Variants in ANKRD63 observed in about 807,000 individuals in gnomAD.
The protein encoded by ANKRD63 is ankyrin repeat domain 63.
In ANKRD63, 18 loss-of-function variants were observed where a neutral mutation model predicts 21.2. The observed-to-expected ratio is 0.85, with a 90% CI of 0.59 to 1.26. The LOEUF (loss-of-function observed/expected upper bound fraction) is 1.26, where lower values mean the gene tolerates loss of function less well. Among genes scored for constraint, ANKRD63 ranks in the 50% most tolerant of loss-of-function variants. The pLI is 0.00. For missense variants in ANKRD63, 523 were observed against 570.9 expected, an observed-to-expected ratio of 0.92 and a Z score of 0.85; for synonymous variants, 322 against 273.3, an observed-to-expected ratio of 1.18 and a Z score of -1.76.
chr15:40,281,892 T>C lies in ANKRD63; in HGVS notation c.695A>G (p.Glu232Gly). Reference protein sequence around the residue: ...FARAAGGHGGEAGSAGKNSGR... With the variant: ...FARAAGGHGGGAGSAGKNSGR... Reference sequence around the variant, plus strand: ...CGAATTCTTGCCCGCTGAGCCAGCCTCGCCGCCGTGGCCGCCCGCCGCTCG... The same window carrying C: ...CGAATTCTTGCCCGCTGAGCCAGCCCCGCCGCCGTGGCCGCCCGCCGCTCG... Residue 232 changes from glutamate to glycine, a missense_variant, in exon 1 of 1, where the codon GAG becomes GGG. Glu to Gly is a moderately conservative substitution (Grantham distance 98). Transcript: ENST00000434396. The C allele has an allele frequency of 7.7e-6, 11 of 1,421,954 alleles. No homozygotes were observed. The South Asian group carries it at 1.7e-4, about 22-fold the overall frequency. 88.1% of individuals were successfully genotyped at this position (1,421,954 alleles called of 1,614,324 possible).
chr15:40,278,860 G>A lies in ANKRD63; in HGVS notation c.*2584C>T, dbSNP rs2039512014. 6.6e-6 allele frequency among the ~76,000 whole-genome samples: 1 copy of A among 152,076 alleles called. No homozygotes were observed. Among genetic ancestry groups the A allele is most frequent in the African/African-American group, 2.4e-5 (1 of 41,396 alleles). On this transcript the variant is annotated 3_prime_UTR_variant, in exon 1 of 1. Coordinates refer to ENST00000434396, the MANE Select transcript of ANKRD63 (RefSeq NM_001190479.3). ...TCATGGTTGTTTATCCAGTCAAGAGGGCCCAGGGTGACATTCAACCAGAAA... is the reference window on the plus strand; with the variant it reads ...TCATGGTTGTTTATCCAGTCAAGAGAGCCCAGGGTGACATTCAACCAGAAA...
In ANKRD63 at chr15:40,281,566, C is replaced by T. The variant is rs573538746; in HGVS notation, c.1021G>A (p.Gly341Arg). ...STAPDIPSLV[G>R]EAPGPESGPE... Reference sequence around the variant, plus strand: ...CCACTCTCGGGCCCTGGCGCCTCCCCGACCAGGCTGGGGATATCTGGGGCT... The same window carrying T: ...CCACTCTCGGGCCCTGGCGCCTCCCTGACCAGGCTGGGGATATCTGGGGCT... The change falls in exon 1 of 1, where the codon GGG becomes AGG. Residue 341 changes from glycine (G) to arginine (R), a missense_variant. Gly to Arg is a moderately radical substitution (Grantham distance 125). Transcript: ENST00000434396. 2,877 of 1,532,446 alleles carry T rather than the reference C, an allele frequency of 1.9e-3. 5 individuals are homozygous for T. Among genetic ancestry groups the T allele is most frequent in the Non-Finnish European group, 2.2e-3 (2,533 of 1,145,230 alleles). 94.9% of individuals were successfully genotyped at this position (1,532,446 alleles called of 1,614,324 possible).
In ANKRD63 at chr15:40,282,892, G is replaced by C. The variant is rs1245095800; in HGVS notation, c.-306C>G. ...CACCAGACGTCGGGAGCAGAGACTCGACCCTCTCCCGAGTCTCTCGCCGCT... is the reference window on the plus strand; with the variant it reads ...CACCAGACGTCGGGAGCAGAGACTCCACCCTCTCCCGAGTCTCTCGCCGCT... On this transcript the variant is annotated 5_prime_UTR_variant, in exon 1 of 1. Coordinates refer to ENST00000434396, the MANE Select transcript of ANKRD63 (RefSeq NM_001190479.3). 2.0e-5 allele frequency among the ~76,000 whole-genome samples: 3 copies of C among 152,164 alleles called. No individual in the cohort carries two copies. The highest frequency in any genetic ancestry group is 7.2e-5 in the African/African-American group (3 of 41,448).
Position 40,282,649 on chromosome 15 carries a change from C to A in ANKRD63, c.-63G>T. ...GCACGGGGGCGCCCCTGTTCTCGCG[C>A]CCCGCGGGGCTCCGGCCTCCGCCCG... On this transcript the variant is annotated 5_prime_UTR_variant, in exon 1 of 1. Transcript: ENST00000434396. The A allele has an allele frequency of 7.9e-7, 1 of 1,263,118 alleles. No homozygotes were observed. Among genetic ancestry groups the A allele is most frequent in the Non-Finnish European group, 1.0e-6 (1 of 980,666 alleles). 78.2% of individuals were successfully genotyped at this position (1,263,118 alleles called of 1,614,324 possible).
rs561215338 is a variant in ANKRD63, at chr15:40,282,650, C to G, written c.-64G>C. On this transcript the variant is annotated 5_prime_UTR_variant, in exon 1 of 1. Coordinates refer to ENST00000434396, the MANE Select transcript of ANKRD63 (RefSeq NM_001190479.3). ...CACGGGGGCGCCCCTGTTCTCGCGC[C>G]CCGCGGGGCTCCGGCCTCCGCCCGC... The G allele has an allele frequency of 1.6e-6, 2 of 1,263,992 alleles. No homozygotes were observed. The highest frequency in any genetic ancestry group is 2.0e-5 in the South Asian group (1 of 51,128). The allele number at this position is 1,263,992 out of a possible 1,614,324, so 78.3% of individuals were successfully genotyped here.
chr15:40,281,481 G>T lies in ANKRD63; in HGVS notation c.1106C>A (p.Ala369Glu). ...ACGCAGCACCACAGCCTCGGTGCCC[G>T]CCTGCCAAGGGTTCGGCCCAGGCAC... is the stretch of plus-strand genomic sequence containing the variant. ...VSVPGPNPWQAGTEAVVLRAQ... is the reference protein window; with the variant it reads ...VSVPGPNPWQEGTEAVVLRAQ... Residue 369 changes from alanine to glutamate, a missense_variant, in exon 1 of 1, where the codon GCG (alanine) becomes GAG (glutamate). Coordinates refer to ENST00000434396, the MANE Select transcript of ANKRD63 (RefSeq NM_001190479.3). 1.4e-6 allele frequency: 2 copies of T among 1,433,782 alleles called. No homozygotes were observed. Among genetic ancestry groups the T allele is most frequent in the Non-Finnish European group, 1.8e-6 (2 of 1,097,762 alleles). 88.8% of individuals were successfully genotyped at this position (1,433,782 alleles called of 1,614,324 possible). A position where few individuals can be genotyped will look rare whatever the true frequency, so the allele number is the denominator to read the frequency against.
At position 40,280,441 on chromosome 15, in the gene ANKRD63, C is replaced by T. The variant is rs1034488829; in HGVS notation, c.*1003G>A. Reference sequence around the variant, plus strand: ...GCTTCATATACAAAGGCTTAAAACACGAGTTCTTTGAGGATTGGAAGAAAT... The same window carrying T: ...GCTTCATATACAAAGGCTTAAAACATGAGTTCTTTGAGGATTGGAAGAAAT... On this transcript the variant is annotated 3_prime_UTR_variant, in exon 1 of 1. Transcript: ENST00000434396. Among the ~76,000 whole-genome samples the T allele has an allele frequency of 6.6e-6, 1 of 152,268 alleles. No individual in the cohort carries two copies. The highest frequency in any genetic ancestry group is 2.4e-5 in the African/African-American group (1 of 41,474).
rs1459632718 is a variant in ANKRD63, at chr15:40,282,558, C to T, written c.29G>A (p.Arg10Gln). The T allele has an allele frequency of 1.0e-5, 15 of 1,469,024 alleles. No homozygotes were observed. Among genetic ancestry groups the T allele is most frequent in the Non-Finnish European group, 1.3e-5 (15 of 1,116,256 alleles). The allele number at this position is 1,469,024 out of a possible 1,614,324, so 91.0% of individuals were successfully genotyped here. Reference sequence around the variant, plus strand: ...CTCCAGGAAGGTGCGCGTCCCCGCTCGGGGGCACAGGTCCTTGGGTTTGAG... The same window carrying T: ...CTCCAGGAAGGTGCGCGTCCCCGCTTGGGGGCACAGGTCCTTGGGTTTGAG... MLKPKDLCPRAGTRTFLEAM... is the reference protein window; with the variant it reads MLKPKDLCPQAGTRTFLEAM... The change falls in exon 1 of 1, where the codon CGA becomes CAA. Residue 10 changes from arginine (R) to glutamine (Q), a missense_variant. Physicochemically the swap from Arg to Gln is conservative, Grantham distance 43. Transcript: ENST00000434396.
rs1051228296 is a variant in ANKRD63, at chr15:40,280,750, C to A, written c.*694G>T. The stretch of plus-strand genomic sequence containing the variant: ...CTCCACATTATCAATGAAGCTGAAT[C>A]CTGGGGCAGAGAGAGAGGGAGCTGG... On this transcript the variant is annotated 3_prime_UTR_variant, in exon 1 of 1. Coordinates refer to ENST00000434396, the MANE Select transcript of ANKRD63 (RefSeq NM_001190479.3). Among the ~76,000 whole-genome samples the A allele has an allele frequency of 6.6e-6, 1 of 152,212 alleles. No individual in the cohort carries two copies. Among genetic ancestry groups the A allele is most frequent in the Non-Finnish European group, 1.5e-5 (1 of 68,046 alleles).
Position 40,281,769 on chromosome 15 carries a change from C to T in ANKRD63, c.818G>A (p.Arg273Gln). Residue 273 changes from arginine (R) to glutamine (Q), a missense_variant, in exon 1 of 1, where the codon CGG (arginine) becomes CAG (glutamine). Physicochemically the swap from Arg to Gln is conservative, Grantham distance 43. Coordinates refer to ENST00000434396, the MANE Select transcript of ANKRD63 (RefSeq NM_001190479.3). ...AVTEEEAARL[R>Q]AGALMALPNS... ...TGGTAGGGCCATCAGGGCCCCAGCC[C>T]GCAGGCGGGCAGCCTCCTCCTCGGT... The T allele has an allele frequency of 1.3e-6, 2 of 1,535,108 alleles. No individual in the cohort carries two copies. Among genetic ancestry groups the T allele is most frequent in the Non-Finnish European group, 1.7e-6 (2 of 1,146,542 alleles).
chr15:40,282,635 C>T lies in ANKRD63; in HGVS notation c.-49G>A, dbSNP rs961088207. 7.6e-7 allele frequency: 1 copy of T among 1,317,020 alleles called. No individual in the cohort carries two copies. Among genetic ancestry groups the T allele is most frequent in the Non-Finnish European group, 9.7e-7 (1 of 1,027,640 alleles). The allele number at this position is 1,317,020 out of a possible 1,614,324, so 81.6% of individuals were successfully genotyped here. A position where few individuals can be genotyped will look rare whatever the true frequency, so the allele number is the denominator to read the frequency against. On this transcript the variant is annotated 5_prime_UTR_variant, in exon 1 of 1. Coordinates refer to ENST00000434396, the MANE Select transcript of ANKRD63 (RefSeq NM_001190479.3). ...AGCCTGGCAGTTCCGCACGGGGGCG[C>T]CCCTGTTCTCGCGCCCCGCGGGGCT... is the stretch of plus-strand genomic sequence containing the variant.
chr15:40,281,458 G>A lies in ANKRD63; in HGVS notation c.1129C>T (p.Arg377Cys). ...CTTGGCGCCGTTTACCGCTGAGCAC[G>A]CAGCACCACAGCCTCGGTGCCCGCC... ...WQAGTEAVVL[R>C]AQR Residue 377 changes from arginine (R) to cysteine (C), a missense_variant, in exon 1 of 1, where the codon CGT becomes TGT. Transcript: ENST00000434396. 4.2e-6 allele frequency: 6 copies of A among 1,417,556 alleles called. No individual in the cohort carries two copies. Among genetic ancestry groups the A allele is most frequent in the Non-Finnish European group, 5.5e-6 (6 of 1,090,636 alleles). 87.8% of individuals were successfully genotyped at this position (1,417,556 alleles called of 1,614,324 possible). A position where few individuals can be genotyped will look rare whatever the true frequency, so the allele number is the denominator to read the frequency against.
rs1415828382 is a variant in ANKRD63 at position 40,282,676 on chromosome 15, G to A, written c.-90C>T. On this transcript the variant is annotated 5_prime_UTR_variant, in exon 1 of 1. Coordinates refer to ENST00000434396, the MANE Select transcript of ANKRD63 (RefSeq NM_001190479.3). ...CCGCGGGGCTCCGGCCTCCGCCCGC[G>A]CTCTGATACCTCTCCCTCCGCGCGT... 2 of 1,030,670 alleles carry A rather than the reference G, an allele frequency of 1.9e-6. No individual in the cohort carries two copies. Among genetic ancestry groups the A allele is most frequent in the Non-Finnish European group, 2.6e-6 (2 of 770,762 alleles). 63.8% of individuals were successfully genotyped at this position (1,030,670 alleles called of 1,614,324 possible). A position where few individuals can be genotyped will look rare whatever the true frequency, so the allele number is the denominator to read the frequency against.
rs1210071959 is a variant in ANKRD63 at position 40,278,757 on chromosome 15, C to T, written c.*2687G>A. On this transcript the variant is annotated 3_prime_UTR_variant, in exon 1 of 1. Transcript: ENST00000434396. The stretch of plus-strand genomic sequence containing the variant: ...AGTCAGACACACGATGCAGTTCAGA[C>T]AGGAAAGAGCCGCTGCAGTTGTTTA... Among the ~76,000 whole-genome samples, 1 of 152,102 alleles carries T rather than the reference C, an allele frequency of 6.6e-6. No individual in the cohort carries two copies. The highest frequency in any genetic ancestry group is 2.4e-5 in the African/African-American group (1 of 41,406).
chr15:40,282,419 C>T lies in ANKRD63; in HGVS notation c.168G>A (p.Gly56=). The change falls in exon 1 of 1, where the codon GGG becomes GGA. Residue 56 remains glycine (G), a synonymous_variant. Transcript: ENST00000434396. ...GCGCGCGCAGCGCGGGGTCCGGCAG[C>T]CCCACGGCCACCATGAGCGGCGTAC... ...QGRTPLMVAV[G]LPDPALRARF... The T allele has an allele frequency of 6.6e-7, 1 of 1,508,062 alleles. No homozygotes were observed. Among genetic ancestry groups the T allele is most frequent in the Non-Finnish European group, 8.8e-7 (1 of 1,136,670 alleles). The allele number at this position is 1,508,062 out of a possible 1,614,324, so 93.4% of individuals were successfully genotyped here.
At position 40,282,606 on chromosome 15, in the gene ANKRD63, G is replaced by C; in HGVS notation, c.-20C>G. On this transcript the variant is annotated 5_prime_UTR_variant, in exon 1 of 1. Transcript: ENST00000434396. ...GAGCATGGCCCCGGCCGCCGCGCCC[G>C]GGCAGCCTGGCAGTTCCGCACGGGG... 7.3e-7 allele frequency: 1 copy of C among 1,372,066 alleles called. No individual in the cohort carries two copies. Among genetic ancestry groups the C allele is most frequent in the Non-Finnish European group, 9.4e-7 (1 of 1,068,680 alleles). 85.0% of individuals were successfully genotyped at this position (1,372,066 alleles called of 1,614,324 possible).
At position 40,279,854 on chromosome 15, in the gene ANKRD63, G is replaced by A. The variant is rs552614139; in HGVS notation, c.*1590C>T. ...GAAAGGCTTCAAGTTCCACCCTCAG[G>A]GTTCACAAAAGAGCCCCACCTGCCG... On this transcript the variant is annotated 3_prime_UTR_variant, in exon 1 of 1. Coordinates refer to ENST00000434396, the MANE Select transcript of ANKRD63 (RefSeq NM_001190479.3). 5.3e-4 allele frequency among the ~76,000 whole-genome samples: 80 copies of A among 152,370 alleles called. No homozygotes were observed. The highest frequency in any genetic ancestry group is 1.9e-3 in the African/African-American group (77 of 41,584).
chr15:40,281,853 G>T lies in ANKRD63; in HGVS notation c.734C>A (p.Ala245Glu). 1 of 1,521,370 alleles carries T rather than the reference G, an allele frequency of 6.6e-7. No individual in the cohort carries two copies. Among genetic ancestry groups the T allele is most frequent in the South Asian group, 1.2e-5 (1 of 82,818 alleles). 94.2% of individuals were successfully genotyped at this position (1,521,370 alleles called of 1,614,324 possible). ...CAGCTCGGGCCGTTCGCTGCCCTGCGCCCGGTGCCGGCCCGAATTCTTGCC... is the reference window on the plus strand; with the variant it reads ...CAGCTCGGGCCGTTCGCTGCCCTGCTCCCGGTGCCGGCCCGAATTCTTGCC... ...SAGKNSGRHR[A>E]QGSERPELGR... The change falls in exon 1 of 1, where the codon GCG (alanine) becomes GAG (glutamate). Residue 245 changes from alanine to glutamate, a missense_variant. By Grantham distance (107) the Ala-to-Glu change is moderately radical (BLOSUM62 -1). Transcript: ENST00000434396.
chr15:40,280,302 G>A lies in ANKRD63; in HGVS notation c.*1142C>T, dbSNP rs1262342647. On this transcript the variant is annotated 3_prime_UTR_variant, in exon 1 of 1. Coordinates refer to ENST00000434396, the MANE Select transcript of ANKRD63 (RefSeq NM_001190479.3). Reference sequence around the variant, plus strand: ...CAGCTCGTGTGGGCTCCCGACTCCCGCGCGCCGCCGTTTCACGTCGCAAAC... The same window carrying A: ...CAGCTCGTGTGGGCTCCCGACTCCCACGCGCCGCCGTTTCACGTCGCAAAC... Among the ~76,000 whole-genome samples, 2 of 152,240 alleles carry A rather than the reference G, an allele frequency of 1.3e-5. No homozygotes were observed. Among genetic ancestry groups the A allele is most frequent in the South Asian group, 4.1e-4 (2 of 4,838 alleles).
Sources: gnomAD v4.1 joint callset for allele counts (sites outside exome capture counted in the v4.1 genomes callset) on GRCh38, gnomAD v4.1.1 for gene constraint, MANE v1.5 for transcripts, NCBI Gene and HGNC (gene_info 2026-07-23, HGNC 2026-07-21) for gene names.